The following NEGR1 variants were observed in gnomAD, a reference collection of about 807,000 sequenced individuals.
The protein encoded by NEGR1 is neuronal growth regulator 1, also known as IgLON family member 4.
Under a neutral mutation model 40.9 loss-of-function variants are expected in NEGR1, and 10 were observed. The ratio of observed to expected loss-of-function variants is 0.24; its 90% CI spans 0.15 to 0.42. The LOEUF (loss-of-function observed/expected upper bound fraction) is 0.42, where lower values mean the gene tolerates loss of function less well. Among genes scored for constraint, NEGR1 ranks in the 10% least tolerant of loss-of-function variants. NEGR1 has a pLI of 1.00. For missense variants in NEGR1, 352 were observed against 438.9 expected (o/e 0.80, Z 1.77); for synonymous variants, 185 against 166.8 (o/e 1.11, Z -0.84).
chr1:71,468,065 ATAT>A (rs1338979998), intron 6 of NEGR1, among the ~76,000 whole-genome samples: 3 of 152,060 alleles, frequency 2.0e-5, no homozygotes, highest in African/African-American at 7.2e-5. Context: ...ATTCAAAATA[ATAT>A]TATACAAATA....
At chr1:71,673,039 T>A (rs888366611) in intron 4 of NEGR1, among the ~76,000 whole-genome samples, 1 of 152,018 alleles carries the variant, frequency 6.6e-6, no homozygotes, top group African/African-American at 2.4e-5. Flanking sequence ...ATCGAGACGA[T>A]CCTGACTAAT....
At chr1:71,712,315 C>T (rs1295135603) in intron 3 of NEGR1, among the ~76,000 whole-genome samples, 1 of 152,214 alleles carries the variant, frequency 6.6e-6, no homozygotes, top group African/African-American at 2.4e-5. Flanking sequence ...AAATGCTTCT[C>T]TCCCAATCCT....
At chr1:72,155,403 C>T (rs1053139228) in intron 1 of NEGR1, among the ~76,000 whole-genome samples, 2 of 151,878 alleles carry the variant, frequency 1.3e-5, no homozygotes, top group Non-Finnish European at 2.9e-5. Context: ...GTCAATTATC[C>T]TAAGAACAAT....
chr1:71,825,446 T>C (rs549587364), intron 2 of NEGR1, among the ~76,000 whole-genome samples: 2 of 151,968 alleles, frequency 1.3e-5, no homozygotes, highest in Admixed American at 6.6e-5. Context: ...CTTTAAAATA[T>C]GATTCTGATT....
At chr1:71,742,212 C>T (rs1255125314) in intron 3 of NEGR1, among the ~76,000 whole-genome samples, 1 of 152,146 alleles carries the variant, frequency 6.6e-6, no homozygotes, top group African/African-American at 2.4e-5. Context: ...GCACCAGGAA[C>T]CAAATCAGCC....
intron 4 of NEGR1, among the ~76,000 whole-genome samples, chr1:71,625,229 AT>A (rs1299991095): frequency 6.6e-6 from 1 of 151,750 alleles, no homozygotes; most frequent in East Asian, 1.9e-4. Flanking sequence ...TTGCTTTCAC[AT>A]TTTTGATTTT....
chr1:71,561,408 C>T (rs1418036001), intron 6 of NEGR1, among the ~76,000 whole-genome samples: 1 of 151,594 alleles, frequency 6.6e-6, no homozygotes, highest in East Asian at 1.9e-4. Context: ...GATCACACTG[C>T]TTAAAAGGGA....
At chr1:71,999,211 C>T (rs1380092140) in intron 1 of NEGR1, among the ~76,000 whole-genome samples, 2 of 151,876 alleles carry the variant, frequency 1.3e-5, no homozygotes, top group Non-Finnish European at 2.9e-5. Context: ...CCACTCCAGG[C>T]TTCAATGAGG....
intron 6 of NEGR1, among the ~76,000 whole-genome samples, chr1:71,456,257 T>G (rs1646671945): frequency 6.6e-6 from 1 of 152,074 alleles, no homozygotes; most frequent in Non-Finnish European, 1.5e-5. Context: ...TTTAAAAAAT[T>G]TTTTTATGTA....
intron 3 of NEGR1, among the ~76,000 whole-genome samples, chr1:71,702,070 A>G (rs1480498732): frequency 2.6e-5 from 4 of 152,108 alleles, no homozygotes; most frequent in Admixed American, 1.3e-4. Context: ...AAAAGTAACT[A>G]GTAAGAAAAA....
chr1:71,708,439 C>T (rs1441199721), intron 3 of NEGR1, among the ~76,000 whole-genome samples: 1 of 151,912 alleles, frequency 6.6e-6, no homozygotes, highest in Non-Finnish European at 1.5e-5. Context: ...GAGCAATCTA[C>T]AGATTCAATG....
chr1:71,814,311 G>C (rs1473350389), intron 2 of NEGR1, among the ~76,000 whole-genome samples: 1 of 152,086 alleles, frequency 6.6e-6, no homozygotes, highest in African/African-American at 2.4e-5. Context: ...GATTCAGTTT[G>C]CAAGTATTTT....
chr1:71,734,493 G>C lies in NEGR1; in HGVS notation c.536-36354C>G, dbSNP rs146153958. 2.2e-4 allele frequency among the ~76,000 whole-genome samples: 34 copies of C among 152,174 alleles called. No homozygotes were observed. The East Asian group carries it at 6.2e-3, about 28-fold the overall frequency. ...AATAAGTAATTGTTACAATTATTTTGATTATTCCAAACAACTTTTCTCCTT... is the reference window on the plus strand; with the variant it reads ...AATAAGTAATTGTTACAATTATTTTCATTATTCCAAACAACTTTTCTCCTT... On this transcript the variant is annotated intron_variant, in intron 3 of 6. Transcript: ENST00000357731.
intron 6 of NEGR1, among the ~76,000 whole-genome samples, chr1:71,490,546 C>A (rs1334480761): frequency 6.6e-6 from 1 of 151,904 alleles, no homozygotes; most frequent in Non-Finnish European, 1.5e-5. Context: ...CGTAAATCCC[C>A]AACAGTCTAA....
At chr1:71,640,387 G>A (rs1651309497) in intron 4 of NEGR1, among the ~76,000 whole-genome samples, 1 of 152,020 alleles carries the variant, frequency 6.6e-6, no homozygotes, top group South Asian at 2.1e-4. Flanking sequence ...ATCTCAGAGT[G>A]TCAAACGGAA....
At chr1:71,475,534 A>G (rs944273201) in intron 6 of NEGR1, among the ~76,000 whole-genome samples, 1 of 152,050 alleles carries the variant, frequency 6.6e-6, no homozygotes, top group Non-Finnish European at 1.5e-5. Flanking sequence ...GTTATTAATA[A>G]TATTTTCCCA....
chr1:71,462,834 A>T (rs899412768), intron 6 of NEGR1, among the ~76,000 whole-genome samples: 1 of 152,196 alleles, frequency 6.6e-6, no homozygotes, highest in Non-Finnish European at 1.5e-5. Context: ...AAGAAGACTT[A>T]GAAAGATATG....
At chr1:71,974,697 G>T (rs1570569351) in intron 1 of NEGR1, among the ~76,000 whole-genome samples, 2 of 152,084 alleles carry the variant, frequency 1.3e-5, no homozygotes, top group South Asian at 4.2e-4. Context: ...TATATTCAAT[G>T]GTATATTAAT....
intron 1 of NEGR1, among the ~76,000 whole-genome samples, chr1:71,991,421 T>C (rs965928734): frequency 6.6e-6 from 1 of 152,182 alleles, no homozygotes. Flanking sequence ...GTTTACGCTA[T>C]AGAAAACACA....
Sources: gnomAD v4.1 joint callset for allele counts (sites outside exome capture counted in the v4.1 genomes callset) on GRCh38, gnomAD v4.1.1 for gene constraint, MANE v1.5 for transcripts, NCBI Gene and HGNC (gene_info 2026-07-23, HGNC 2026-07-21) for gene names.